RARS1: variants seen among roughly 807,000 people sequenced by gnomAD.
The protein encoded by RARS1 is arginyl-tRNA synthetase 1.
RARS1 carries 75 observed loss-of-function variants against 78.7 expected under a neutral mutation model. The observed-to-expected ratio is 0.95, with a 90% CI of 0.79 to 1.15. RARS1 has a LOEUF of 1.15. Ranked by LOEUF, RARS1 falls within the 50% of genes most tolerant of loss-of-function variation. RARS1 has a pLI of 0.00. For synonymous variants in RARS1, 273 were observed against 268.2 expected (o/e 1.02, Z -0.18); for missense variants, 787 against 787.5 (o/e 1.00, Z 0.01).
At chr5:168,486,579 G>C in intron 1 of RARS1, 36 bp downstream of exon 1, 1 of 1,550,562 alleles carries the variant, frequency 6.4e-7, no homozygotes, top group South Asian at 1.2e-5. Flanking sequence ...AGGCCTGAAA[G>C]AGATGGAGCA....
intron 9 of RARS1, among the ~76,000 whole-genome samples, chr5:168,502,394 T>TAAACAA (rs1758348759): frequency 6.9e-6 from 1 of 145,048 alleles, no homozygotes; most frequent in Admixed American, 6.9e-5. Context: ...ATTTTTTTTT[T>TAAACAA]TTAAAACAAT....
At position 168,488,744 on chromosome 5, in the gene RARS1, C is replaced by T; in HGVS notation, c.180+8C>T. 2 of 1,585,708 alleles carry T rather than the reference C, an allele frequency of 1.3e-6. No individual in the cohort carries two copies. On this transcript the variant is annotated splice_region_variant and intron_variant, in intron 2 of 14. Coordinates refer to ENST00000231572, the MANE Select transcript of RARS1 (RefSeq NM_002887.4). ...CTGAATATTCTTCGAAAGGTGAGTA[C>T]TTTGGGTTCCAGTTTTATTCTCCAG...
chr5:168,519,297 C>A lies in RARS1; in HGVS notation c.*107C>A. Reference sequence around the variant, plus strand: ...AGCATAAGTAAAGAAAATTTGTCAACCAGGCAAAATGTGGTTCTTTAACAG... The same window carrying A: ...AGCATAAGTAAAGAAAATTTGTCAAACAGGCAAAATGTGGTTCTTTAACAG... On this transcript the variant is annotated 3_prime_UTR_variant, in exon 15 of 15. Coordinates refer to ENST00000231572, the MANE Select transcript of RARS1 (RefSeq NM_002887.4). The A allele has an allele frequency of 1.3e-6, 1 of 797,622 alleles. No homozygotes were observed. Among genetic ancestry groups the A allele is most frequent in the Non-Finnish European group, 2.0e-6 (1 of 498,350 alleles). The allele number at this position is 797,622 out of a possible 1,614,324, so 49.4% of individuals were successfully genotyped here. A position where few individuals can be genotyped will look rare whatever the true frequency, so the allele number is the denominator to read the frequency against.
At chr5:168,505,595 C>G (rs1387610718) in intron 9 of RARS1, among the ~76,000 whole-genome samples, 3 of 151,758 alleles carry the variant, frequency 2.0e-5, no homozygotes, top group Non-Finnish European at 4.4e-5. Flanking sequence ...TTTGGGAGGC[C>G]AGGCATGGTG....
intron 11 of RARS1, 47 bp downstream of exon 11, chr5:168,506,878 G>C: frequency 7.0e-7 from 1 of 1,419,236 alleles, no homozygotes; most frequent in Non-Finnish European, 9.9e-7. Context: ...TTGATCCCAA[G>C]AGGCTACTTT....
chr5:168,495,577 C>G, intron 6 of RARS1, 141 bp downstream of exon 6: 2 of 1,306,318 alleles, frequency 1.5e-6, no homozygotes, highest in Non-Finnish European at 1.0e-6. Context: ...TTACAACCAC[C>G]CAGTAAGCTT....
chr5:168,508,505 A>G (rs1758495163), intron 11 of RARS1, among the ~76,000 whole-genome samples: 1 of 150,674 alleles, frequency 6.6e-6, no homozygotes, highest in Admixed American at 6.7e-5. Flanking sequence ...CTGTAGTCCC[A>G]GTTACTCGGG....
intron 10 of RARS1, 61 bp downstream of exon 10, chr5:168,506,260 A>C (rs942139581): frequency 1.6e-5 from 21 of 1,345,160 alleles, no homozygotes; most frequent in Non-Finnish European, 2.1e-5. Context: ...CAGTATGGTG[A>C]GGTTGGTGAC....
At chr5:168,495,093 C>A in intron 5 of RARS1, 1 of 698,008 alleles carries the variant, frequency 1.4e-6, no homozygotes, top group Non-Finnish European at 2.0e-6. Context: ...AATTTGTATA[C>A]ATGAATTTGA....
intron 3 of RARS1, among the ~76,000 whole-genome samples, chr5:168,493,344 G>A (rs1758122520): frequency 6.6e-6 from 1 of 152,064 alleles, no homozygotes; most frequent in Non-Finnish European, 1.5e-5. Flanking sequence ...TTTCTTTGCT[G>A]AATTGGAAGG....
At chr5:168,502,843 T>G (rs1758359636) in intron 9 of RARS1, among the ~76,000 whole-genome samples, 1 of 152,076 alleles carries the variant, frequency 6.6e-6, no homozygotes, top group Non-Finnish European at 1.5e-5. Context: ...AAGTGTTGGA[T>G]TCATGATTTT....
chr5:168,490,803 CACAT>C (rs1371373086), intron 2 of RARS1, among the ~76,000 whole-genome samples: 1 of 152,112 alleles, frequency 6.6e-6, no homozygotes, highest in Non-Finnish European at 1.5e-5. Flanking sequence ...TAGGTACACA[CACAT>C]ACATATGTAC....
chr5:168,504,330 C>T (rs944611761), intron 9 of RARS1, among the ~76,000 whole-genome samples: 2 of 151,860 alleles, frequency 1.3e-5, no homozygotes, highest in Non-Finnish European at 2.9e-5. Flanking sequence ...TCGAGACCAT[C>T]CTGACCAACA....
chr5:168,499,553 T>G (rs55645650), intron 7 of RARS1, among the ~76,000 whole-genome samples: 10,108 of 152,236 alleles, frequency 0.066, 1,083 homozygotes, highest in African/African-American at 0.23. Context: ...GTAAATGTTT[T>G]CTGTTGAAAA....
chr5:168,504,914 G>A (rs780382106), intron 9 of RARS1, among the ~76,000 whole-genome samples: 3 of 152,148 alleles, frequency 2.0e-5, no homozygotes, highest in East Asian at 1.9e-4. Context: ...TTGAGCCCAG[G>A]AGGTCTAAGC....
intron 5 of RARS1, 27 bp from the exon 6 acceptor site, chr5:168,495,288 C>G (rs1312600539): frequency 1.2e-6 from 2 of 1,608,548 alleles, no homozygotes; most frequent in Non-Finnish European, 1.7e-6. Context: ...CCCCTCTTAA[C>G]AGCCTTTCTC....
intron 12 of RARS1, among the ~76,000 whole-genome samples, chr5:168,513,248 C>T (rs1396574640): frequency 2.2e-4 from 31 of 139,234 alleles, no homozygotes; most frequent in East Asian, 8.3e-4. Flanking sequence ...TTAGTAGAGA[C>T]GGGATTTCAC....
rs74468174 is a variant in RARS1, at chr5:168,503,218, A to G, written c.1057+1113A>G. 1.1e-3 allele frequency among the ~76,000 whole-genome samples: 162 copies of G among 152,260 alleles called. No homozygotes were observed. In the East Asian group the frequency reaches 0.021, roughly 19 times the overall value. ...AAATTTCCCCATCAGACTTTTCCCT[A>G]TTGGCTTTATCAGCTATTTATGACC... On this transcript the variant is annotated intron_variant, in intron 9 of 14. Coordinates refer to ENST00000231572, the MANE Select transcript of RARS1 (RefSeq NM_002887.4).
intron 9 of RARS1, among the ~76,000 whole-genome samples, chr5:168,505,734 A>G (rs1267062604): frequency 1.4e-5 from 2 of 138,764 alleles, no homozygotes; most frequent in Admixed American, 1.5e-4. Flanking sequence ...AAAAAAAAAA[A>G]AGCAGTTGGG....
Sources: gnomAD v4.1 joint callset for allele counts (sites outside exome capture counted in the v4.1 genomes callset) on GRCh38, gnomAD v4.1.1 for gene constraint, MANE v1.5 for transcripts, NCBI Gene and HGNC (gene_info 2026-07-23, HGNC 2026-07-21) for gene names.